SMCHD1: variants seen among roughly 807,000 people sequenced by gnomAD.
SMCHD1 encodes the protein structural maintenance of chromosomes flexible hinge domain-containing protein 1.
A neutral mutation model predicts 254.7 loss-of-function variants in SMCHD1; 78 were observed. The ratio of observed to expected loss-of-function variants is 0.31; its 90% CI spans 0.26 to 0.37. The LOEUF (loss-of-function observed/expected upper bound fraction) is 0.37. SMCHD1 is among the 10% of genes least tolerant of loss of function. The probability of loss-of-function intolerance (pLI) is 1.00; values close to 1 mark genes in which losing one functional copy is unlikely to be tolerated. For synonymous variants in SMCHD1, 766 were observed against 794.9 expected (o/e 0.96, Z 0.61); for missense variants, 1,840 against 2,408.1 (o/e 0.76, Z 4.94).
At chr18:2,734,445 T>C (rs1268815073) in intron 25 of SMCHD1, among the ~76,000 whole-genome samples, 1 of 151,942 alleles carries the variant, frequency 6.6e-6, no homozygotes, top group Admixed American at 6.5e-5. Context: ...CACTTCTTCA[T>C]TGACAGTAAA....
chr18:2,795,805 G>GT, intron 45 of SMCHD1, 144 bp from the exon 46 acceptor site: 1 of 567,854 alleles, frequency 1.8e-6, no homozygotes, highest in East Asian at 3.4e-5. Flanking sequence ...TATTTCATTT[G>GT]TTTATATTGA....
At chr18:2,713,945 C>T (rs775777785) in intron 17 of SMCHD1, among the ~76,000 whole-genome samples, 5 of 152,114 alleles carry the variant, frequency 3.3e-5, no homozygotes, top group African/African-American at 7.2e-5. Context: ...ATGTATATTC[C>T]GCAGAATAAT....
intron 3 of SMCHD1, 50 bp downstream of exon 3, chr18:2,667,081 C>T (rs1828242778): frequency 7.6e-7 from 1 of 1,309,776 alleles, no homozygotes; most frequent in Non-Finnish European, 1.1e-6. Context: ...CTGCCTTTAT[C>T]CCCTGATTAC....
At position 2,732,364 on chromosome 18, in the gene SMCHD1, A is replaced by T. The variant is rs1568260824; in HGVS notation, c.3148A>T (p.Ile1050Phe). The change falls in exon 25 of 48, where the codon ATT (isoleucine) becomes TTT (phenylalanine). Residue 1050 changes from isoleucine to phenylalanine, a missense_variant. Ile to Phe is a conservative substitution (Grantham distance 21). Coordinates refer to ENST00000320876, the MANE Select transcript of SMCHD1 (RefSeq NM_015295.3). ...ATTCAGTGTAGAAGGACAAAAGGCA[A>T]TTCAGATCAAACATCAGGATGAGGT... ...QIFSVEGQKAIQIKHQDEVNW... is the reference protein window; with the variant it reads ...QIFSVEGQKAFQIKHQDEVNW... The T allele has an allele frequency of 6.2e-7, 1 of 1,613,860 alleles. No individual in the cohort carries two copies. The highest frequency in any genetic ancestry group is 8.5e-7 in the Non-Finnish European group (1 of 1,179,824).
chr18:2,684,685 C>G (rs2073999800), intron 5 of SMCHD1, among the ~76,000 whole-genome samples: 1 of 105,090 alleles, frequency 9.5e-6, no homozygotes, highest in African/African-American at 3.0e-5. Flanking sequence ...TTTTTTCCTG[C>G]CTTATTGCAG....
At chr18:2,706,216 TGTG>T (rs1367380187) in intron 14 of SMCHD1, 145 bp from the exon 15 acceptor site, 11 of 517,918 alleles carry the variant, frequency 2.1e-5, no homozygotes. Flanking sequence ...AAACAAACAT[TGTG>T]GTGTAACGTA....
At chr18:2,693,734 C>T (rs564706026) in intron 7 of SMCHD1, among the ~76,000 whole-genome samples, 32 of 152,208 alleles carry the variant, frequency 2.1e-4, no homozygotes, top group South Asian at 8.3e-4. Flanking sequence ...CGGGCTCAAG[C>T]GATTCTCCTG....
Position 2,784,552 on chromosome 18 carries a change from G to T in SMCHD1, c.5650G>T (p.Asp1884Tyr). Residue 1884 changes from aspartate to tyrosine, a missense_variant, in exon 45 of 48, where the codon GAT becomes TAT. Transcript: ENST00000320876. Reference protein sequence around the residue: ...GGLQNKAPPMDKLRGMVFGAP... With the variant: ...GGLQNKAPPMYKLRGMVFGAP... ...CCTTCAGAATAAAGCTCCTCCAATGGATAAACTTCGGGGAATGGTATTTGG... is the reference window on the plus strand; with the variant it reads ...CCTTCAGAATAAAGCTCCTCCAATGTATAAACTTCGGGGAATGGTATTTGG... 1 of 1,611,600 alleles carries T rather than the reference G, an allele frequency of 6.2e-7. No homozygotes were observed. The highest frequency in any genetic ancestry group is 1.1e-5 in the South Asian group (1 of 90,334).
At chr18:2,706,296 GTGTT>G (rs2074511898) in intron 14 of SMCHD1, 64 bp from the exon 15 acceptor site, 5 of 1,020,582 alleles carry the variant, frequency 4.9e-6, no homozygotes, top group Non-Finnish European at 7.2e-6. Flanking sequence ...AAACAAATGG[GTGTT>G]TGTTTTTATT....
intron 1 of SMCHD1, among the ~76,000 whole-genome samples, chr18:2,663,804 T>G (rs2073360763): frequency 6.6e-6 from 1 of 151,686 alleles, no homozygotes; most frequent in Non-Finnish European, 1.5e-5. Flanking sequence ...CAGCTCCACC[T>G]CCCGGGTTCA....
intron 37 of SMCHD1, 119 bp from the exon 38 acceptor site, chr18:2,769,575 C>T: frequency 9.5e-7 from 1 of 1,047,614 alleles, no homozygotes; most frequent in Non-Finnish European, 1.4e-6. Flanking sequence ...CAGCCTATGC[C>T]TTTGGCCTTT....
chr18:2,725,181 A>G (rs138202483), intron 21 of SMCHD1, among the ~76,000 whole-genome samples, 186 bp downstream of exon 21: 6 of 152,216 alleles, frequency 3.9e-5, no homozygotes, highest in African/African-American at 1.4e-4. Flanking sequence ...AAAAGTTGGC[A>G]CATTTACTAC....
Position 2,705,769 on chromosome 18 carries a change from G to C in SMCHD1, c.1918G>C (p.Glu640Gln), listed in dbSNP as rs1248130436. 1 of 1,608,656 alleles carries C rather than the reference G, an allele frequency of 6.2e-7. No homozygotes were observed. Among genetic ancestry groups the C allele is most frequent in the South Asian group, 1.1e-5 (1 of 90,590 alleles). The change falls in exon 14 of 48, where the codon GAA becomes CAA. Residue 640 changes from glutamate (E) to glutamine (Q), a missense_variant. By Grantham distance (29) the Glu-to-Gln change is conservative (BLOSUM62 2). Transcript: ENST00000320876. The part of the protein sequence containing the change: ...RFFLYGDHDG[E>Q]VYATGGEVQI... The stretch of plus-strand genomic sequence containing the variant: ...TTTTCTTTATGGCGATCATGATGGA[G>C]AAGTATATGCTACAGGAGGAGAGGT...
At chr18:2,712,489 G>A (rs1027887487) in intron 17 of SMCHD1, among the ~76,000 whole-genome samples, 1 of 152,308 alleles carries the variant, frequency 6.6e-6, no homozygotes, top group African/African-American at 2.4e-5. Flanking sequence ...ATCAAATGCA[G>A]ATTGAAAATA....
At chr18:2,787,221 AC>A (rs2143826403) in intron 45 of SMCHD1, among the ~76,000 whole-genome samples, 1 of 152,280 alleles carries the variant, frequency 6.6e-6, no homozygotes, top group Non-Finnish European at 1.5e-5. Context: ...GGCTCTTTAA[AC>A]AACCAGCTTT....
intron 41 of SMCHD1, among the ~76,000 whole-genome samples, chr18:2,774,574 C>T (rs1472695650): frequency 6.6e-6 from 1 of 152,060 alleles, no homozygotes; most frequent in Non-Finnish European, 1.5e-5. Context: ...CCATGCCCCC[C>T]TAATTTTTTG....
rs757510495 is a variant in SMCHD1, at chr18:2,796,499, C to T, written c.5971C>T (p.Arg1991Ter). ...TCCAGTTCCTCCTAAAAGAATGAGA[C>T]GAGAAGCTACAAGACAAAATAGGTG... ...DCPVPPKRMR[R>*]EATRQNRIIT... The change falls in exon 47 of 48, where the codon CGA becomes TGA. Residue 1991 changes from arginine to a stop codon, truncating the protein, a stop_gained. Transcript: ENST00000320876. LOFTEE classifies it high-confidence loss of function. The T allele has an allele frequency of 4.4e-6, 7 of 1,598,672 alleles. No homozygotes were observed. In the Admixed American group the frequency reaches 5.2e-5, roughly 12 times the overall value.
At chr18:2,751,735 T>C (rs1464694050) in intron 33 of SMCHD1, among the ~76,000 whole-genome samples, 7 of 152,124 alleles carry the variant, frequency 4.6e-5, no homozygotes, top group Non-Finnish European at 1.0e-4. Flanking sequence ...ATTGATAGAC[T>C]GCTTGAAAGA....
Position 2,738,540 on chromosome 18 carries a change from A to T in SMCHD1, c.3420A>T (p.Thr1140=). The T allele has an allele frequency of 6.2e-7, 1 of 1,611,132 alleles. No individual in the cohort carries two copies. The highest frequency in any genetic ancestry group is 1.1e-5 in the South Asian group (1 of 90,718). ...DDHVSLESAF[T]VRPLPDEPKH... ...ATGTGTCTTTGGAAAGTGCGTTTAC[A>T]GTAAGGTTTGTGGACTCATTATATT... Residue 1140 remains threonine (T), a synonymous_variant, in exon 26 of 48, where the codon ACA becomes ACT. Transcript: ENST00000320876.
Sources: allele counts gnomAD v4.1 joint callset (sites outside exome capture counted in the v4.1 genomes callset), GRCh38; gene constraint gnomAD v4.1.1; transcripts MANE v1.5; gene names NCBI Gene and HGNC (gene_info 2026-07-23, HGNC 2026-07-21).